Variants in TPO observed in about 807,000 individuals in gnomAD.
The protein encoded by TPO is thyroid microsomal antigen.
TPO carries 78 observed loss-of-function variants against 96.9 expected under a neutral mutation model. The observed-to-expected ratio is 0.81, with a 90% CI of 0.67 to 0.97. The LOEUF is 0.97. Among genes scored for constraint, TPO ranks in the 50% least tolerant of loss-of-function variants. TPO has a pLI of 0.00. For missense variants in TPO, 1,252 were observed against 1,274.8 expected (o/e 0.98, Z 0.27); for synonymous variants, 547 against 538.0 (o/e 1.02, Z -0.23).
intron 14 of TPO, among the ~76,000 whole-genome samples, chr2:1,506,750 ATTTG>A (rs1050646217): frequency 4.1e-4 from 63 of 152,064 alleles, no homozygotes; most frequent in African/African-American, 1.4e-3. Context: ...TTTCTTGTAA[ATTTG>A]TTTGAGTTCA....
At chr2:1,414,033 C>T (rs1425446729) in intron 1 of TPO, among the ~76,000 whole-genome samples, 4 of 152,112 alleles carry the variant, frequency 2.6e-5, no homozygotes, top group African/African-American at 9.7e-5. Flanking sequence ...CTTTTTGCCA[C>T]ATAGATGCAT....
chr2:1,540,506 G>A, intron 15 of TPO, 88 bp from the exon 16 acceptor site: 1 of 1,600,036 alleles, frequency 6.2e-7, no homozygotes, highest in Non-Finnish European at 8.5e-7. Context: ...AAGCACGGCT[G>A]CCTTGCCGTC....
chr2:1,522,816 C>T (rs1675473816), intron 15 of TPO, among the ~76,000 whole-genome samples: 1 of 134,056 alleles, frequency 7.5e-6, no homozygotes, highest in Admixed American at 7.6e-5. Flanking sequence ...CCCCAAATCT[C>T]CCCCACTGTG....
At chr2:1,440,672 T>C (rs376235794) in intron 5 of TPO, among the ~76,000 whole-genome samples, 6 of 152,176 alleles carry the variant, frequency 3.9e-5, no homozygotes, top group East Asian at 3.9e-4. Flanking sequence ...TTCTTGTTTA[T>C]ATGGTGTAGT....
chr2:1,496,690 G>A lies in TPO; in HGVS notation c.2311G>A (p.Gly771Arg), dbSNP rs138931129. The A allele has an allele frequency of 5.6e-6, 9 of 1,613,960 alleles. No individual in the cohort carries two copies. Among genetic ancestry groups the A allele is most frequent in the African/African-American group, 5.3e-5 (4 of 74,900 alleles). ...CGTGCTGGTGTATTCCTGCCGGCAC[G>A]GGTATGAGCTCCAAGGCCGGGAGCA... ...RRVLVYSCRHGYELQGREQLT... is the reference protein window; with the variant it reads ...RRVLVYSCRHRYELQGREQLT... The change falls in exon 13 of 17, where the codon GGG (glycine) becomes AGG (arginine). Residue 771 changes from glycine to arginine, a missense_variant. Gly to Arg is a moderately radical substitution (Grantham distance 125). Coordinates refer to ENST00000329066, the MANE Select transcript of TPO (RefSeq NM_001206744.2).
At chr2:1,501,199 C>T (rs1348303891) in intron 13 of TPO, among the ~76,000 whole-genome samples, 2 of 150,960 alleles carry the variant, frequency 1.3e-5, no homozygotes, top group Non-Finnish European at 3.0e-5. Flanking sequence ...CATCTGTGCA[C>T]TCACTGCATG....
intron 13 of TPO, among the ~76,000 whole-genome samples, chr2:1,503,473 G>A (rs1325650357): frequency 6.6e-6 from 1 of 152,206 alleles, no homozygotes; most frequent in Non-Finnish European, 1.5e-5. Flanking sequence ...CTTGTGCAGG[G>A]GGAGCAGGAG....
intron 2 of TPO, among the ~76,000 whole-genome samples, chr2:1,421,713 T>C (rs1477687443): frequency 2.6e-5 from 4 of 151,768 alleles, no homozygotes; most frequent in Non-Finnish European, 4.4e-5. Context: ...GAACAGGAGG[T>C]TCCCTGATTC....
chr2:1,420,204 A>C (rs1663366351), intron 2 of TPO, among the ~76,000 whole-genome samples: 1 of 152,244 alleles, frequency 6.6e-6, no homozygotes, highest in Non-Finnish European at 1.5e-5. Flanking sequence ...GATCAGTTAA[A>C]CTTGAATAAC....
At chr2:1,389,107 C>G (rs1661952428) in intron 1 of TPO, among the ~76,000 whole-genome samples, 1 of 152,088 alleles carries the variant, frequency 6.6e-6, no homozygotes, top group Non-Finnish European at 1.5e-5. Context: ...TTTGACAAAG[C>G]TGGGCTGGGC....
At position 1,485,449 on chromosome 2, in the gene TPO, T is replaced by G. The variant is rs183698763; in HGVS notation, c.1597+595T>G. 1.4e-3 allele frequency among the ~76,000 whole-genome samples: 211 copies of G among 152,252 alleles called. 5 individuals are homozygous for G. In the South Asian group the frequency reaches 0.021, roughly 15 times the overall value. The stretch of plus-strand genomic sequence containing the variant: ...AATTGGATCGCTGGGTCAAATGGTA[T>G]TTCTAGTTCTAGATGCTTGAGGAAT... On this transcript the variant is annotated intron_variant, in intron 9 of 16. Coordinates refer to ENST00000329066, the MANE Select transcript of TPO (RefSeq NM_001206744.2).
chr2:1,394,698 C>T (rs1477248390), intron 1 of TPO, among the ~76,000 whole-genome samples: 1 of 152,216 alleles, frequency 6.6e-6, no homozygotes, highest in Non-Finnish European at 1.5e-5. Context: ...GTCACCCGGG[C>T]CCTGCCCAGA....
chr2:1,530,361 T>A (rs1295725218), intron 15 of TPO, among the ~76,000 whole-genome samples: 2 of 121,312 alleles, frequency 1.6e-5, no homozygotes, highest in Non-Finnish European at 3.4e-5. Flanking sequence ...GTGTGCAACG[T>A]CCCCAAATAT....
chr2:1,516,537 T>TG (rs1674729783), intron 14 of TPO, among the ~76,000 whole-genome samples: 1 of 152,188 alleles, frequency 6.6e-6, no homozygotes, highest in Non-Finnish European at 1.5e-5. Context: ...CTGGGTCCTG[T>TG]GGTCCACTCC....
At chr2:1,443,763 AT>A (rs1194156166) in intron 5 of TPO, among the ~76,000 whole-genome samples, 1 of 26,500 alleles carries the variant, frequency 3.8e-5, no homozygotes, top group African/African-American at 1.0e-4. Context: ...TTGGAAGGGA[AT>A]GGGGCAGGCT....
At chr2:1,430,006 C>T (rs1664818804) in intron 3 of TPO, among the ~76,000 whole-genome samples, 1 of 152,184 alleles carries the variant, frequency 6.6e-6, no homozygotes, top group South Asian at 2.1e-4. Context: ...TTGGAGTAAC[C>T]ATTTACTAGA....
intron 7 of TPO, among the ~76,000 whole-genome samples, chr2:1,459,280 T>C (rs920196790): frequency 4.6e-5 from 7 of 152,206 alleles, no homozygotes; most frequent in South Asian, 2.1e-4. Context: ...GCCTCCCTAG[T>C]AGCTGGGACT....
chr2:1,531,143 C>T (rs62117040), intron 15 of TPO, among the ~76,000 whole-genome samples: 7,762 of 58,896 alleles, frequency 0.13, 880 homozygotes, highest in East Asian at 0.19. Context: ...AAACCCCCCA[C>T]TGTGTGCAAC....
upstream of TPO, among the ~76,000 whole-genome samples, chr2:1,410,931 G>T (rs148481763): frequency 5.2e-4 from 79 of 152,120 alleles, no homozygotes; most frequent in Non-Finnish European, 8.2e-4. Flanking sequence ...TCCATTGCTG[G>T]GTGGCCACGT....
Sources: gnomAD v4.1 joint callset for allele counts (sites outside exome capture counted in the v4.1 genomes callset) on GRCh38, gnomAD v4.1.1 for gene constraint, MANE v1.5 for transcripts, NCBI Gene and HGNC (gene_info 2026-07-23, HGNC 2026-07-21) for gene names.